The following POFUT2 variants were observed in gnomAD, a reference collection of about 807,000 sequenced individuals.
POFUT2 encodes GDP-fucose protein O-fucosyltransferase 2.
A neutral mutation model predicts 55.0 loss-of-function variants in POFUT2; 30 were observed. That is an observed-to-expected ratio of 0.55 (90% confidence interval 0.41 to 0.74). The LOEUF (loss-of-function observed/expected upper bound fraction) is 0.74, where lower values mean the gene tolerates loss of function less well. Among genes scored for constraint, POFUT2 ranks in the 30% least tolerant of loss-of-function variants. The pLI, the probability that POFUT2 is intolerant of heterozygous loss-of-function variation, is 0.00. For synonymous variants in POFUT2, 267 were observed against 231.1 expected (o/e 1.16, Z -1.41); for missense variants, 524 against 562.6 (o/e 0.93, Z 0.69).
rs917247539 is a variant in POFUT2, at chr21:45,281,446, G to A, written c.638+903C>T. ...TCTGTCTGCAACAGCCGGGCTGGCT[G>A]AGCAGCAGACACGCGGGCCTGTGAT... On this transcript the variant is annotated intron_variant, in intron 4 of 8. Coordinates refer to ENST00000349485, the MANE Select transcript of POFUT2 (RefSeq NM_133635.6). The surrounding 1 kb of genome is among the most constrained non-coding windows in gnomAD (Gnocchi z 5.0). Among the ~76,000 whole-genome samples the A allele has an allele frequency of 2.0e-5, 3 of 152,200 alleles. No individual in the cohort carries two copies. Among genetic ancestry groups the A allele is most frequent in the Admixed American group, 6.5e-5 (1 of 15,282 alleles).
chr21:45,266,034 A>G lies in POFUT2; in HGVS notation c.1137-399T>C, dbSNP rs914011205. On this transcript the variant is annotated intron_variant, in intron 8 of 8. Coordinates refer to ENST00000349485, the MANE Select transcript of POFUT2 (RefSeq NM_133635.6). ...GATTCCTACTAACCACACACTGTCT[A>G]GCCAGGGCATGGCGGGTCCTTATCC... The G allele has an allele frequency of 9.8e-6, 12 of 1,225,992 alleles. No homozygotes were observed. In the African/African-American group the frequency reaches 1.9e-4, roughly 19 times the overall value. 75.9% of individuals were successfully genotyped at this position (1,225,992 alleles called of 1,614,324 possible). A position where few individuals can be genotyped will look rare whatever the true frequency, so the allele number is the denominator to read the frequency against.
chr21:45,287,222 TCCCGTC>T (rs1387061128), intron 1 of POFUT2, among the ~76,000 whole-genome samples: 1 of 87,618 alleles, frequency 1.1e-5, no homozygotes, highest in Non-Finnish European at 2.2e-5. Context: ...CCTGCCCCTG[TCCCGTC>T]CCCGTCCCAT....
chr21:45,279,862 A>G (rs4819052), intron 4 of POFUT2, among the ~76,000 whole-genome samples: 36,583 of 152,146 alleles, frequency 0.24, 4,624 homozygotes, highest in South Asian at 0.39. Context: ...AGAAAGGGCA[A>G]ACTGAAAACC....
chr21:45,268,786 G>C (rs1219004552), intron 7 of POFUT2, among the ~76,000 whole-genome samples: 1 of 149,626 alleles, frequency 6.7e-6, no homozygotes, highest in Non-Finnish European at 1.5e-5. Flanking sequence ...TCTCCGCCCG[G>C]CAGCCACCCC....
chr21:45,272,975 T>C (rs2093231562), intron 6 of POFUT2, among the ~76,000 whole-genome samples: 1 of 152,056 alleles, frequency 6.6e-6, no homozygotes, highest in African/African-American at 2.4e-5. Flanking sequence ...TCTAAGGTCA[T>C]ACCTCAAGGA....
chr21:45,278,490 C>T (rs1209314183), intron 4 of POFUT2, among the ~76,000 whole-genome samples: 2 of 152,224 alleles, frequency 1.3e-5, no homozygotes, highest in Non-Finnish European at 2.9e-5. Context: ...ACGGCTATGG[C>T]AAGCTGCAGG....
At position 45,270,351 on chromosome 21, in the gene POFUT2, C is replaced by A. The variant is rs993554087; in HGVS notation, c.832-332G>T. Among the ~76,000 whole-genome samples, 1 of 152,106 alleles carries A rather than the reference C, an allele frequency of 6.6e-6. No individual in the cohort carries two copies. The highest frequency in any genetic ancestry group is 1.5e-5 in the Non-Finnish European group (1 of 68,022). On this transcript the variant is annotated intron_variant, in intron 6 of 8. Transcript: ENST00000349485. This position sits in a 1 kb window ranked among gnomAD's most constrained non-coding sequence, Gnocchi z 4.6. The stretch of plus-strand genomic sequence containing the variant: ...ACGTGCCACAAAGAGTTCACGGATC[C>A]TGTGGACAAAGCAGCTCACAGCTGC...
rs1311921536 is a variant in POFUT2 at position 45,284,557 on chromosome 21, C to T, written c.383-1030G>A. On this transcript the variant is annotated intron_variant, in intron 2 of 8. Coordinates refer to ENST00000349485, the MANE Select transcript of POFUT2 (RefSeq NM_133635.6). The surrounding 1 kb of genome is among the most constrained non-coding windows in gnomAD (Gnocchi z 5.8). ...GGTAAGCGTGAGACCAGCATATGTG[C>T]CTCAGAAGCTCATTACACAGCATCT... Among the ~76,000 whole-genome samples the T allele has an allele frequency of 6.6e-6, 1 of 152,216 alleles. No homozygotes were observed. Among genetic ancestry groups the T allele is most frequent in the East Asian group, 1.9e-4 (1 of 5,200 alleles).
In POFUT2 at chr21:45,277,221, G is replaced by A; in HGVS notation, c.706-79C>T. 1 of 1,546,370 alleles carries A rather than the reference G, an allele frequency of 6.5e-7. No homozygotes were observed. Among genetic ancestry groups the A allele is most frequent in the East Asian group, 2.3e-5 (1 of 43,966 alleles). On this transcript the variant is annotated intron_variant, in intron 5 of 8. Coordinates refer to ENST00000349485, the MANE Select transcript of POFUT2 (RefSeq NM_133635.6). The surrounding 1 kb of genome is among the most constrained non-coding windows in gnomAD (Gnocchi z 6.9). ...TCCCGGAGCGGGTTCTCCTGTCGCT[G>A]CCACCACCCACCCCCGCAGCTGGAA...
At position 45,267,511 on chromosome 21, in the gene POFUT2, T is replaced by C. The variant is rs2093167333; in HGVS notation, c.1136+79A>G. 1 of 1,614,030 alleles carries C rather than the reference T, an allele frequency of 6.2e-7. No homozygotes were observed. Among genetic ancestry groups the C allele is most frequent in the Non-Finnish European group, 8.5e-7 (1 of 1,180,038 alleles). ...TGTGAACACAGGCGACCATCTGCTC[T>C]GACACCGAGTACTTGGGACAGAAGA... On this transcript the variant is annotated intron_variant, in intron 8 of 8. Transcript: ENST00000349485. This position sits in a 1 kb window ranked among gnomAD's most constrained non-coding sequence, Gnocchi z 4.4.
chr21:45,280,767 T>G (rs1433276506), intron 4 of POFUT2, among the ~76,000 whole-genome samples: 1 of 150,966 alleles, frequency 6.6e-6, no homozygotes, highest in Non-Finnish European at 1.5e-5. Context: ...TCGCTGGGTT[T>G]CGTCTCAATT....
intron 4 of POFUT2, among the ~76,000 whole-genome samples, chr21:45,279,152 G>A (rs1315547921): frequency 3.3e-5 from 5 of 151,982 alleles, no homozygotes; most frequent in African/African-American, 1.2e-4. Flanking sequence ...AGCACTTTGG[G>A]AGGCCAAGGT....
intron 6 of POFUT2, among the ~76,000 whole-genome samples, chr21:45,275,806 T>C (rs2093257857): frequency 6.6e-6 from 1 of 151,998 alleles, no homozygotes; most frequent in Middle Eastern, 3.2e-3. Flanking sequence ...GCTCGGGTGA[T>C]GGGTGTACCA....
chr21:45,279,187 C>A (rs143503579), intron 4 of POFUT2, among the ~76,000 whole-genome samples: 4 of 151,966 alleles, frequency 2.6e-5, no homozygotes, highest in South Asian at 2.1e-4. Context: ...GTCAGGAGAT[C>A]GAGACCATCC....
intron 6 of POFUT2, 74 bp downstream of exon 6, chr21:45,276,943 T>C (rs1249615409): frequency 3.3e-6 from 5 of 1,519,610 alleles, no homozygotes; most frequent in African/African-American, 2.7e-5. Context: ...TGACTTTACA[T>C]GGAAGGCCTG....
rs892014589 is a variant in POFUT2 at position 45,282,034 on chromosome 21, C to T, written c.638+315G>A. Among the ~76,000 whole-genome samples the T allele has an allele frequency of 6.6e-6, 1 of 152,140 alleles. No homozygotes were observed. The highest frequency in any genetic ancestry group is 1.9e-4 in the East Asian group (1 of 5,190). ...TAAAAGCTGCCCAAGTGCTACAAAT[C>T]GAGAACAGTCTCATGGTGAGCTCCC... On this transcript the variant is annotated intron_variant, in intron 4 of 8. Transcript: ENST00000349485. This position sits in a 1 kb window ranked among gnomAD's most constrained non-coding sequence, Gnocchi z 4.6.
chr21:45,269,074 C>T (rs1337490704), intron 7 of POFUT2, among the ~76,000 whole-genome samples: 5 of 126,982 alleles, frequency 3.9e-5, no homozygotes, highest in African/African-American at 1.6e-4. Flanking sequence ...CCGCCCCGTC[C>T]GGGAGGTGAG....
Position 45,277,352 on chromosome 21 carries a change from C to A in POFUT2, c.706-210G>T, listed in dbSNP as rs1467630141. The A allele has an allele frequency of 3.3e-6, 2 of 606,702 alleles. No individual in the cohort carries two copies. The highest frequency in any genetic ancestry group is 5.6e-6 in the Non-Finnish European group (2 of 360,004). The allele number at this position is 606,702 out of a possible 1,614,324, so 37.6% of individuals were successfully genotyped here. On this transcript the variant is annotated intron_variant, in intron 5 of 8. Coordinates refer to ENST00000349485, the MANE Select transcript of POFUT2 (RefSeq NM_133635.6). This position sits in a 1 kb window ranked among gnomAD's most constrained non-coding sequence, Gnocchi z 6.9. ...TGAAGCCAACGCAGGGCAAGCCGCC[C>A]ACCCCTGCCGGCTCTGCCAGCCCCT...
Position 45,283,491 on chromosome 21 carries a change from A to C in POFUT2, c.419T>G (p.Leu140Arg). 1 of 1,613,962 alleles carries C rather than the reference A, an allele frequency of 6.2e-7. No homozygotes were observed. Among genetic ancestry groups the C allele is most frequent in the Non-Finnish European group, 8.5e-7 (1 of 1,179,952 alleles). Residue 140 changes from leucine to arginine, a missense_variant, in exon 3 of 9, where the codon CTG becomes CGG. Transcript: ENST00000349485. ...TTTCCACCCCTCTGCGTAACTTTGC[A>C]GGACGTAAACCTGGTCAATAAAGGG... The part of the protein sequence containing the change: ...GGPFIDQVYV[L>R]QSYAEGWKEG...
Sources: gnomAD v4.1 joint callset for allele counts (sites outside exome capture counted in the v4.1 genomes callset) on GRCh38, gnomAD v4.1.1 for gene constraint, Gnocchi (gnomAD v3.1) non-coding constraint, MANE v1.5 for transcripts, NCBI Gene and HGNC (gene_info 2026-07-23, HGNC 2026-07-21) for gene names.